The following ATXN1 variants were observed in gnomAD, a reference collection of about 807,000 sequenced individuals.
ATXN1 encodes ataxin-1.
Under a neutral mutation model 56.4 loss-of-function variants are expected in ATXN1, and 8 were observed. The ratio of observed to expected loss-of-function variants is 0.14; its 90% confidence interval spans 0.08 to 0.26. The LOEUF (loss-of-function observed/expected upper bound fraction) is 0.26, where lower values mean the gene tolerates loss of function less well. ATXN1 is among the 10% of genes least tolerant of loss of function. The probability of loss-of-function intolerance (pLI) is 1.00; values close to 1 mark genes in which losing one functional copy is unlikely to be tolerated. For synonymous variants in ATXN1, 514 were observed against 494.6 expected (o/e 1.04, Z -0.52); for missense variants, 987 against 1,106.5 (o/e 0.89, Z 1.53).
intron 3 of ATXN1, among the ~76,000 whole-genome samples, chr6:16,586,232 A>G (rs1401354612): frequency 6.6e-6 from 1 of 152,150 alleles, no homozygotes; most frequent in East Asian, 1.9e-4. Flanking sequence ...TTCCCTGCTC[A>G]ATGATTCTAA....
At chr6:16,514,826 A>G (rs1378424150) in intron 5 of ATXN1, among the ~76,000 whole-genome samples, 1 of 151,954 alleles carries the variant, frequency 6.6e-6, no homozygotes, top group Admixed American at 6.6e-5. Context: ...TACTAAAAAT[A>G]CAAAAAATTA....
rs915898416 is a variant in ATXN1 at position 16,406,094 on chromosome 6, C to T, written c.-160-77624G>A. Among the ~76,000 whole-genome samples, 9 of 152,174 alleles carry T rather than the reference C, an allele frequency of 5.9e-5. No individual in the cohort carries two copies. The South Asian group carries it at 6.2e-4, about 10-fold the overall frequency. On this transcript the variant is annotated intron_variant, in intron 6 of 7. Transcript: ENST00000436367. ...AATGCAGATTTAGCTGATTGTTCAA[C>T]GTGAGGTCTTAAAACAACCCTCTCT...
At chr6:16,389,347 G>A (rs9464890) in intron 6 of ATXN1, among the ~76,000 whole-genome samples, 18,194 of 126,626 alleles carry the variant, frequency 0.14, 1,388 homozygotes, top group African/African-American at 0.22. Flanking sequence ...CAAAAAAAAA[G>A]AAAAAAAAAA....
At chr6:16,445,552 T>C (rs139612558) in intron 6 of ATXN1, among the ~76,000 whole-genome samples, 4,732 of 152,050 alleles carry the variant, frequency 0.031, 205 homozygotes, top group African/African-American at 0.1. Flanking sequence ...CTTTAAGTTT[T>C]AGGGTACATG....
intron 2 of ATXN1, among the ~76,000 whole-genome samples, chr6:16,713,517 GAA>G (rs1759570190): frequency 6.6e-6 from 1 of 152,186 alleles, no homozygotes; most frequent in Non-Finnish European, 1.5e-5. Context: ...GACTGAACAT[GAA>G]GAGAGAACCA....
At chr6:16,698,573 G>A (rs568299380) in intron 2 of ATXN1, among the ~76,000 whole-genome samples, 63 of 149,148 alleles carry the variant, frequency 4.2e-4, no homozygotes, top group African/African-American at 1.5e-3. Context: ...CAGAGAAACT[G>A]TTCTTGAAGT....
At chr6:16,574,766 C>T (rs1017920261) in intron 4 of ATXN1, among the ~76,000 whole-genome samples, 10 of 151,734 alleles carry the variant, frequency 6.6e-5, no homozygotes, top group African/African-American at 1.9e-4. Flanking sequence ...TGGGTCACGA[C>T]TACTCAACAA....
intron 6 of ATXN1, among the ~76,000 whole-genome samples, chr6:16,361,368 G>A (rs373504804): frequency 4.6e-5 from 7 of 152,124 alleles, no homozygotes; most frequent in South Asian, 2.1e-4. Flanking sequence ...TTTCGTTCAC[G>A]CACATGGCTA....
chr6:16,715,988 C>T (rs1417575905), intron 2 of ATXN1, among the ~76,000 whole-genome samples: 1 of 152,206 alleles, frequency 6.6e-6, no homozygotes, highest in African/African-American at 2.4e-5. Flanking sequence ...ACCTGAAGAA[C>T]TCAATCTCCT....
chr6:16,555,016 C>T (rs2113732485), intron 4 of ATXN1, among the ~76,000 whole-genome samples: 1 of 152,348 alleles, frequency 6.6e-6, no homozygotes, highest in Non-Finnish European at 1.5e-5. Context: ...CCATCTCATA[C>T]CCTGGGACTG....
At chr6:16,573,848 TC>T (rs1352379167) in intron 4 of ATXN1, among the ~76,000 whole-genome samples, 1 of 152,086 alleles carries the variant, frequency 6.6e-6, no homozygotes, top group Non-Finnish European at 1.5e-5. Context: ...CCTGTTAAGG[TC>T]CCTGTCAGGC....
At chr6:16,358,609 C>G (rs1463043739) in intron 6 of ATXN1, among the ~76,000 whole-genome samples, 1 of 152,218 alleles carries the variant, frequency 6.6e-6, no homozygotes. Context: ...GGCTGCGCGG[C>G]TGGTGCTGCA....
At chr6:16,543,032 A>G (rs9350009) in intron 4 of ATXN1, among the ~76,000 whole-genome samples, 10,682 of 152,238 alleles carry the variant, frequency 0.07, 523 homozygotes, top group East Asian at 0.2. Context: ...CTACTGTATC[A>G]ACCTGGATAA....
chr6:16,593,193 A>T (rs867048245), intron 3 of ATXN1, among the ~76,000 whole-genome samples: 1 of 152,174 alleles, frequency 6.6e-6, no homozygotes. Context: ...TCGACCCAGG[A>T]AGTCCAGCTG....
chr6:16,547,967 T>A (rs1269600370), intron 4 of ATXN1, among the ~76,000 whole-genome samples: 1 of 152,176 alleles, frequency 6.6e-6, no homozygotes, highest in African/African-American at 2.4e-5. Flanking sequence ...CCTACAGGCA[T>A]GTGTTGGGTA....
chr6:16,575,234 A>G (rs929465914), intron 4 of ATXN1, among the ~76,000 whole-genome samples: 61 of 148,942 alleles, frequency 4.1e-4, no homozygotes, highest in African/African-American at 1.6e-3. Context: ...GTTTCTGCAT[A>G]TACTTTTGCC....
chr6:16,617,959 A>C (rs1284580377), intron 3 of ATXN1, among the ~76,000 whole-genome samples: 1 of 152,034 alleles, frequency 6.6e-6, no homozygotes, highest in Non-Finnish European at 1.5e-5. Context: ...ATAAACGATA[A>C]ATATAAACTA....
At chr6:16,756,204 A>G (rs1760882224) in intron 1 of ATXN1, among the ~76,000 whole-genome samples, 1 of 152,116 alleles carries the variant, frequency 6.6e-6, no homozygotes, top group South Asian at 2.1e-4. Context: ...CATTCTTTTT[A>G]TTACTTCTGT....
intron 2 of ATXN1, among the ~76,000 whole-genome samples, chr6:16,747,102 G>C (rs1302054009): frequency 1.3e-5 from 2 of 152,118 alleles, no homozygotes; most frequent in Non-Finnish European, 2.9e-5. Flanking sequence ...ATTTTCAAAA[G>C]ATCATTAAAC....
Sources: gnomAD v4.1 joint callset for allele counts (sites outside exome capture counted in the v4.1 genomes callset) on GRCh38, gnomAD v4.1.1 for gene constraint, MANE v1.5 for transcripts, NCBI Gene and HGNC (gene_info 2026-07-23, HGNC 2026-07-21) for gene names.